Variants in IQANK1 observed in about 807,000 individuals in gnomAD.
IQANK1 encodes the protein IQ motif and ankyrin repeat containing 1.
A neutral mutation model predicts 22.6 loss-of-function variants in IQANK1; 30 were observed. The ratio of observed to expected loss-of-function variants is 1.33; its 90% CI spans 0.99 to 1.80. The LOEUF (loss-of-function observed/expected upper bound fraction) is 1.80. IQANK1 is among the 40% of genes most tolerant of loss of function. The probability of loss-of-function intolerance (pLI) is 0.00; values close to 1 mark genes in which losing one functional copy is unlikely to be tolerated. For missense variants in IQANK1, 275 were observed against 235.2 expected (o/e 1.17, Z -1.11); for synonymous variants, 122 against 99.6 (o/e 1.23, Z -1.34).
intron 3 of IQANK1, among the ~76,000 whole-genome samples, chr8:143,762,447 G>A (rs943637629): frequency 4.6e-5 from 7 of 152,218 alleles, no homozygotes; most frequent in South Asian, 2.1e-4. Context: ...CCATCTGCCA[G>A]GCATGGACAT....
intron 7 of IQANK1, among the ~76,000 whole-genome samples, chr8:143,777,431 G>T (rs1272986429): frequency 6.7e-6 from 1 of 149,706 alleles, no homozygotes; most frequent in Non-Finnish European, 1.5e-5. Context: ...CAGGAGAATT[G>T]CTTGAACCCG....
At chr8:143,763,138 CCT>C (rs1819425982) in intron 3 of IQANK1, among the ~76,000 whole-genome samples, 3 of 152,072 alleles carry the variant, frequency 2.0e-5, no homozygotes, top group South Asian at 2.1e-4. Flanking sequence ...GCCTCAGCCC[CCT>C]GAGTAGCTGG....
chr8:143,754,183 G>C (rs1022557552), intron 3 of IQANK1, among the ~76,000 whole-genome samples: 2 of 152,212 alleles, frequency 1.3e-5, no homozygotes, highest in Non-Finnish European at 2.9e-5. Context: ...TCAGCCAGAG[G>C]GGGAGGGGCT....
intron 7 of IQANK1, among the ~76,000 whole-genome samples, chr8:143,788,563 C>T (rs561461675): frequency 2.6e-5 from 4 of 152,358 alleles, no homozygotes; most frequent in East Asian, 3.9e-4. Context: ...AGCAGTGGCA[C>T]CCAAGGCCTC....
intron 2 of IQANK1, among the ~76,000 whole-genome samples, chr8:143,738,907 G>A (rs537273794): frequency 3.3e-5 from 5 of 152,316 alleles, no homozygotes; most frequent in African/African-American, 9.6e-5. Flanking sequence ...GCCCACAGGA[G>A]CCCCGCTGGG....
In IQANK1 at chr8:143,789,803, G is replaced by A. The variant is rs1236475540; in HGVS notation, c.1129G>A (p.Glu377Lys). ...TEAQVDRLRQ[E>K]AQKAEEALAM... ...GGCCCAGGTGGACAGGCTGCGGCAG[G>A]AGGCCCAGAAGGCCGAGGAGGCGCT... Residue 377 changes from glutamate (E) to lysine (K), a missense_variant, in exon 11 of 14, where the codon GAG (glutamate) becomes AAG (lysine). Glu to Lys is a moderately conservative substitution (Grantham distance 56). Coordinates refer to ENST00000527139, the MANE Select transcript of IQANK1 (RefSeq NM_001381874.1). The A allele has an allele frequency of 2.4e-6, 3 of 1,232,032 alleles. No homozygotes were observed. The highest frequency in any genetic ancestry group is 8.4e-5 in the Admixed American group (2 of 23,710). The allele number at this position is 1,232,032 out of a possible 1,614,324, so 76.3% of individuals were successfully genotyped here.
At chr8:143,741,258 A>G (rs1451894554) in intron 3 of IQANK1, among the ~76,000 whole-genome samples, 1 of 152,186 alleles carries the variant, frequency 6.6e-6, no homozygotes, top group Non-Finnish European at 1.5e-5. Flanking sequence ...TGGGGGCCTC[A>G]GCCGCTCTGC....
Position 143,772,494 on chromosome 8 carries a change from A to AGAGGTGTGAGCCCCGG in IQANK1, c.789+20_789+21insAGCCCCGGGAGGTGTG, listed in dbSNP as rs1819599234. The stretch of plus-strand genomic sequence containing the variant: ...GCACCCCTGAGCGGGTGTGGACCCC[A>AGAGGTGTGAGCCCCGG]GAGGTGTGGGCCCCGGGAGGTGTGA... On this transcript the variant is annotated intron_variant, in intron 7 of 13. Transcript: ENST00000527139. 1 of 398,948 alleles carries AGAGGTGTGAGCCCCGG rather than the reference A, an allele frequency of 2.5e-6. No homozygotes were observed. The highest frequency in any genetic ancestry group is 2.1e-5 in the African/African-American group (1 of 48,446). The allele number at this position is 398,948 out of a possible 1,614,324, so 24.7% of individuals were successfully genotyped here. A position where few individuals can be genotyped will look rare whatever the true frequency, so the allele number is the denominator to read the frequency against.
At chr8:143,785,725 ATTTT>A (rs56864621) in intron 7 of IQANK1, among the ~76,000 whole-genome samples, 1 of 133,230 alleles carries the variant, frequency 7.5e-6, no homozygotes, top group Non-Finnish European at 1.6e-5. Context: ...ATGCCCAGCT[ATTTT>A]TTTTTTTTTT....
chr8:143,776,339 A>G (rs1233913676), intron 7 of IQANK1, among the ~76,000 whole-genome samples: 107 of 151,498 alleles, frequency 7.1e-4, no homozygotes, highest in African/African-American at 2.5e-3. Context: ...AAAAAAAAAA[A>G]AAAAAAGAAA....
intron 3 of IQANK1, chr8:143,743,053 T>C (rs1818956544): frequency 2.2e-6 from 1 of 456,040 alleles, no homozygotes; most frequent in Non-Finnish European, 4.4e-6. Context: ...CCTGTGCCTG[T>C]GTCCCGTTGC....
chr8:143,741,132 C>G (rs1282090517), intron 3 of IQANK1, among the ~76,000 whole-genome samples: 1 of 152,158 alleles, frequency 6.6e-6, no homozygotes, highest in South Asian at 2.1e-4. Context: ...ACCAAGAGGC[C>G]GCTCTTCTGC....
At chr8:143,776,577 C>T (rs145190897) in intron 7 of IQANK1, among the ~76,000 whole-genome samples, 22 of 152,002 alleles carry the variant, frequency 1.4e-4, no homozygotes, top group African/African-American at 4.6e-4. Flanking sequence ...GAAGGGGGAA[C>T]GTAGACAGAG....
At chr8:143,765,748 G>A (rs1382754236) in intron 3 of IQANK1, among the ~76,000 whole-genome samples, 1 of 152,138 alleles carries the variant, frequency 6.6e-6, no homozygotes, top group Non-Finnish European at 1.5e-5. Context: ...GGTATATAAA[G>A]TACATATTTT....
At chr8:143,752,684 T>C (rs1819217624) in intron 3 of IQANK1, among the ~76,000 whole-genome samples, 1 of 152,202 alleles carries the variant, frequency 6.6e-6, no homozygotes, top group African/African-American at 2.4e-5. Flanking sequence ...ATACTTACCA[T>C]TGTGTTATAA....
intron 3 of IQANK1, among the ~76,000 whole-genome samples, chr8:143,761,383 T>G (rs1819395127): frequency 6.6e-6 from 1 of 152,250 alleles, no homozygotes; most frequent in African/African-American, 2.4e-5. Flanking sequence ...TCTGCTCCAC[T>G]GCTTCTGCCT....
intron 3 of IQANK1, among the ~76,000 whole-genome samples, chr8:143,751,300 A>G (rs1819183921): frequency 6.6e-6 from 1 of 152,098 alleles, no homozygotes; most frequent in African/African-American, 2.4e-5. Context: ...TAGCTTTTAA[A>G]TAATTTAAAA....
At chr8:143,780,760 T>C (rs140729272) in intron 7 of IQANK1, among the ~76,000 whole-genome samples, 366 of 152,336 alleles carry the variant, frequency 2.4e-3, no homozygotes, top group African/African-American at 8.2e-3. Context: ...ATGTCTTTGC[T>C]ATTGTGAATA....
chr8:143,772,052 G>A lies in IQANK1; in HGVS notation c.472G>A (p.Val158Met), dbSNP rs1477158324. 5.0e-6 allele frequency: 2 copies of A among 396,478 alleles called. No homozygotes were observed. Among genetic ancestry groups the A allele is most frequent in the Non-Finnish European group, 8.9e-6 (2 of 224,734 alleles). 24.6% of individuals were successfully genotyped at this position (396,478 alleles called of 1,614,324 possible). Residue 158 changes from valine to methionine, a missense_variant and splice_region_variant, in exon 6 of 14, where the codon GTG becomes ATG. Coordinates refer to ENST00000527139, the MANE Select transcript of IQANK1 (RefSeq NM_001381874.1). Reference protein sequence around the residue: ...VGEIRAVLKEVEQLLTREGVG... With the variant: ...VGEIRAVLKEMEQLLTREGVG... Reference sequence around the variant, plus strand: ...GCGGTGACCGCGGCGAGCTGCGCAGGTGGAGCAGCTGCTGACGCGCGAGGG... The same window carrying A: ...GCGGTGACCGCGGCGAGCTGCGCAGATGGAGCAGCTGCTGACGCGCGAGGG...
Sources: allele counts gnomAD v4.1 joint callset (sites outside exome capture counted in the v4.1 genomes callset), GRCh38; gene constraint gnomAD v4.1.1; transcripts MANE v1.5; gene names NCBI Gene and HGNC (gene_info 2026-07-23, HGNC 2026-07-21).